The following CSPP1 variants were observed in gnomAD, a reference collection of about 807,000 sequenced individuals.
CSPP1 encodes centrosome and spindle pole associated protein 1.
A neutral mutation model predicts 164.4 loss-of-function variants in CSPP1; 126 were observed. The observed-to-expected ratio is 0.77, with a 90% confidence interval of 0.66 to 0.89. The LOEUF (loss-of-function observed/expected upper bound fraction) is 0.89. Among genes scored for constraint, CSPP1 ranks in the 40% least tolerant of loss-of-function variants. CSPP1 has a pLI of 0.00. For missense variants in CSPP1, 1,395 were observed against 1,449.8 expected (o/e 0.96, Z 0.61); for synonymous variants, 472 against 476.7 (o/e 0.99, Z 0.13).
chr8:67,137,472 AAAGAAGG>A lies in CSPP1; in HGVS notation c.1850_1856del (p.Arg617LysfsTer13). The A allele has an allele frequency of 6.5e-7, 1 of 1,532,692 alleles. No individual in the cohort carries two copies. Among genetic ancestry groups the A allele is most frequent in the Admixed American group, 1.9e-5 (1 of 52,778 alleles). The allele number at this position is 1,532,692 out of a possible 1,614,324, so 94.9% of individuals were successfully genotyped here. A position where few individuals can be genotyped will look rare whatever the true frequency, so the allele number is the denominator to read the frequency against. ...GTTGTCAAGATTCGGGAAAGAGAAG[AAAGAAGG>A]AAGAAAGAACGTGAAGAAAAAGAAG... On this transcript the variant is annotated frameshift_variant, in exon 17 of 31. Transcript: ENST00000678616. LOFTEE classifies it high-confidence loss of function.
At chr8:67,143,848 A>G (rs1823974755) in intron 17 of CSPP1, among the ~76,000 whole-genome samples, 1 of 151,990 alleles carries the variant, frequency 6.6e-6, no homozygotes, top group African/African-American at 2.4e-5. Flanking sequence ...GTTTTTTTGT[A>G]GATTCTTTGA....
rs1392317916 is a variant in CSPP1 at position 67,115,919 on chromosome 8, T to G, written c.1293T>G (p.Asp431Glu). ...ATTTTTTTTCTTTATTTTAGCCTGA[T>G]AGACTAAAGCAGTTTAGTGTGGCAC... is the stretch of plus-strand genomic sequence containing the variant. ...TSLQLSKEEP[D>E]RLKQFSVAPR... The change falls in exon 13 of 31, where the codon GAT becomes GAG. Residue 431 changes from aspartate (D) to glutamate (E), a missense_variant. Coordinates refer to ENST00000678616, the MANE Select transcript of CSPP1 (RefSeq NM_001382391.1). 2.5e-6 allele frequency: 4 copies of G among 1,611,300 alleles called. No homozygotes were observed. The East Asian group carries it at 6.7e-5, about 27-fold the overall frequency.
intron 13 of CSPP1, 135 bp downstream of exon 13, chr8:67,116,257 T>C (rs754011032): frequency 6.5e-6 from 4 of 613,564 alleles, no homozygotes; most frequent in Non-Finnish European, 1.1e-5. Flanking sequence ...AAATAAATTC[T>C]CTTGAAATTT....
At position 67,145,284 on chromosome 8, in the gene CSPP1, T is replaced by C. The variant is rs1824299268; in HGVS notation, c.1976-4499T>C. The stretch of plus-strand genomic sequence containing the variant: ...TATTTCTTTTTTATTCTAATGTTTG[T>C]AGGATCTGTGGTGATGGCTTCTCAT... On this transcript the variant is annotated intron_variant, in intron 17 of 30. Transcript: ENST00000678616. Among the ~76,000 whole-genome samples, 3 of 152,300 alleles carry C rather than the reference T, an allele frequency of 2.0e-5. 1 individual carries two copies. The South Asian group carries it at 6.2e-4, about 32-fold the overall frequency.
chr8:67,169,193 A>G (rs1563741019), intron 24 of CSPP1, among the ~76,000 whole-genome samples: 1 of 152,278 alleles, frequency 6.6e-6, no homozygotes, highest in South Asian at 2.1e-4. Context: ...GTGCTGACTG[A>G]AGCAGCAGTA....
chr8:67,070,159 G>A (rs996716682), intron 1 of CSPP1, among the ~76,000 whole-genome samples: 1 of 151,744 alleles, frequency 6.6e-6, no homozygotes, highest in Non-Finnish European at 1.5e-5. Context: ...GTGACTATTA[G>A]CAAATTAAAA....
chr8:67,110,853 C>CTGTTGTTGT (rs57306340), intron 9 of CSPP1, among the ~76,000 whole-genome samples: 43 of 151,736 alleles, frequency 2.8e-4, no homozygotes, highest in African/African-American at 8.0e-4. Context: ...TCTAATGTTT[C>CTGTTGTTGT]TGTTGTTGTT....
chr8:67,178,599 T>G (rs1832247148), intron 27 of CSPP1, among the ~76,000 whole-genome samples: 1 of 152,002 alleles, frequency 6.6e-6, no homozygotes, highest in Admixed American at 6.5e-5. Flanking sequence ...GGGTTTATAG[T>G]TGGAAATACA....
intron 15 of CSPP1, among the ~76,000 whole-genome samples, chr8:67,121,916 A>G (rs1255409796): frequency 2.0e-5 from 3 of 152,078 alleles, no homozygotes; most frequent in African/African-American, 4.8e-5. Flanking sequence ...GAATTTGTCC[A>G]TCTCATCTAG....
intron 3 of CSPP1, among the ~76,000 whole-genome samples, chr8:67,081,381 T>C (rs1485049160): frequency 1.3e-5 from 2 of 152,294 alleles, no homozygotes; most frequent in East Asian, 3.9e-4. Flanking sequence ...TTTTTTCTTT[T>C]CCAAGCCAAT....
intron 1 of CSPP1, chr8:67,065,611 A>G (rs73691194): frequency 0.044 from 25,009 of 567,990 alleles, 1,406 homozygotes; most frequent in African/African-American, 0.22. Context: ...GTCTGCTGAA[A>G]TGCTCCACAA....
Position 67,159,042 on chromosome 8 carries a change from G to A in CSPP1, c.2443G>A (p.Glu815Lys). 1 of 1,612,076 alleles carries A rather than the reference G, an allele frequency of 6.2e-7. No homozygotes were observed. Among genetic ancestry groups the A allele is most frequent in the Non-Finnish European group, 8.5e-7 (1 of 1,178,998 alleles). The change falls in exon 21 of 31, where the codon GAA becomes AAA. Residue 815 changes from glutamate to lysine, a missense_variant. Glu to Lys is a moderately conservative substitution (Grantham distance 56). Transcript: ENST00000678616. ...TCGGTTAGCTGAAGAAAGACAAAAA[G>A]AAGCAGAAAGAAAGAAGAAAGAAGA... is the stretch of plus-strand genomic sequence containing the variant. ...HIRLAEERQK[E>K]AERKKKEEEE...
chr8:67,143,223 T>G (rs2129556411), intron 17 of CSPP1, among the ~76,000 whole-genome samples: 1 of 152,220 alleles, frequency 6.6e-6, no homozygotes, highest in East Asian at 1.9e-4. Context: ...TGCTCTATAT[T>G]TCTATCCTTT....
intron 29 of CSPP1, among the ~76,000 whole-genome samples, chr8:67,192,081 T>G (rs940067114): frequency 2.6e-5 from 4 of 151,388 alleles, no homozygotes; most frequent in Non-Finnish European, 4.4e-5. Flanking sequence ...TTTTTTTGTT[T>G]TTTTTTTTTG....
intron 12 of CSPP1, among the ~76,000 whole-genome samples, chr8:67,115,672 A>AAAATAAAT (rs888686832): frequency 6.6e-6 from 1 of 152,130 alleles, no homozygotes; most frequent in African/African-American, 2.4e-5. Context: ...CTCTGCCTCA[A>AAAATAAAT]AAATAAATAA....
Position 67,137,553 on chromosome 8 carries a change from GA to G in CSPP1, c.1929del (p.Gly644ValfsTer14), listed in dbSNP as rs1822599498. 13 of 1,595,452 alleles carry G rather than the reference GA, an allele frequency of 8.1e-6. No homozygotes were observed. Among genetic ancestry groups the G allele is most frequent in the African/African-American group, 2.7e-5 (2 of 74,130 alleles). On this transcript the variant is annotated frameshift_variant, in exon 17 of 31. Coordinates refer to ENST00000678616, the MANE Select transcript of CSPP1 (RefSeq NM_001382391.1). LOFTEE classifies it high-confidence loss of function. ...GAAATGAGAACATATAATCCCTGGG[GA>G]AAAGGTGGAGGTGGTGCTCCTCTCA... is the stretch of plus-strand genomic sequence containing the variant. ...EAEMRTYNPW[G>X]KGGGGAPLRD...
intron 4 of CSPP1, chr8:67,086,888 C>CT (rs75348559): frequency 0.042 from 38,433 of 921,054 alleles, no homozygotes; most frequent in Non-Finnish European, 0.048. Context: ...TTTTTTCTTT[C>CT]TTTTTTTTTT....
chr8:67,088,777 G>C (rs189731550), intron 4 of CSPP1, among the ~76,000 whole-genome samples: 97 of 151,290 alleles, frequency 6.4e-4, no homozygotes, highest in African/African-American at 2.2e-3. Context: ...GGCGCCTGTA[G>C]TCCCAGCTAC....
intron 8 of CSPP1, 104 bp downstream of exon 8, chr8:67,103,239 A>G: frequency 1.5e-6 from 1 of 649,886 alleles, no homozygotes; most frequent in Non-Finnish European, 2.7e-6. Flanking sequence ...GTAAATTAAC[A>G]GCCTTCCTTC....
Sources: gnomAD v4.1 joint callset for allele counts (sites outside exome capture counted in the v4.1 genomes callset) on GRCh38, gnomAD v4.1.1 for gene constraint, MANE v1.5 for transcripts, NCBI Gene and HGNC (gene_info 2026-07-23, HGNC 2026-07-21) for gene names.